Variants in FHIP1A observed in about 807,000 individuals in gnomAD.
FHIP1A encodes the protein FHF complex subunit HOOK-interacting protein 1A.
A neutral mutation model predicts 88.6 loss-of-function variants in FHIP1A; 61 were observed. The ratio of observed to expected loss-of-function variants is 0.69; its 90% CI spans 0.56 to 0.85. FHIP1A has a LOEUF of 0.85. Ranked by LOEUF, FHIP1A falls within the 40% of genes least tolerant of loss-of-function variation. The probability of loss-of-function intolerance (pLI) is 0.00; values close to 1 mark genes in which losing one functional copy is unlikely to be tolerated. For synonymous variants in FHIP1A, 478 were observed against 496.0 expected, an observed-to-expected ratio of 0.96 and a Z score of 0.48; for missense variants, 1,154 against 1,273.5, an observed-to-expected ratio of 0.91 and a Z score of 1.43.
rs74576165 is a variant in FHIP1A, at chr4:151,636,761, G to A, written c.1147-1916G>A. 5.6e-3 allele frequency among the ~76,000 whole-genome samples: 851 copies of A among 152,096 alleles called. 7 individuals carry two copies. The highest frequency in any genetic ancestry group is 0.019 in the African/African-American group (804 of 41,526). On this transcript the variant is annotated intron_variant, in intron 8 of 13. Transcript: ENST00000435205. ...TTAATATAGGAATACTCCACAAATC[G>A]ATCTACAGTTTCAATGCTTTTCTAT... is the stretch of plus-strand genomic sequence containing the variant.
intron 3 of FHIP1A, among the ~76,000 whole-genome samples, chr4:151,494,634 A>G (rs1051993744): frequency 2.0e-5 from 3 of 152,052 alleles, no homozygotes; most frequent in Non-Finnish European, 4.4e-5. Context: ...TTTTGCTTAG[A>G]ATTTCCTTGG....
At position 151,669,478 on chromosome 4, in the gene FHIP1A, C is replaced by T. The variant is rs1373946959; in HGVS notation, c.*6724C>T. 1.3e-5 allele frequency among the ~76,000 whole-genome samples: 2 copies of T among 152,142 alleles called. No homozygotes were observed. The highest frequency in any genetic ancestry group is 2.9e-5 in the Non-Finnish European group (2 of 68,018). On this transcript the variant is annotated 3_prime_UTR_variant, in exon 14 of 14. Coordinates refer to ENST00000435205, the MANE Select transcript of FHIP1A (RefSeq NM_001109977.3). ...GATGCTTTCTGTAAGGTTTAGTCAC[C>T]AAGAAGCCAGAACTTTTGGTGAAAA...
intron 1 of FHIP1A, among the ~76,000 whole-genome samples, chr4:151,451,908 C>T (rs1261838796): frequency 6.6e-6 from 1 of 151,460 alleles, no homozygotes; most frequent in African/African-American, 2.4e-5. Flanking sequence ...ACAGCCTTGA[C>T]CTCCTGGGCC....
At chr4:151,502,308 C>A (rs1730681678) in intron 3 of FHIP1A, among the ~76,000 whole-genome samples, 1 of 145,288 alleles carries the variant, frequency 6.9e-6, no homozygotes, top group Non-Finnish European at 1.5e-5. Flanking sequence ...TAGAACAAGA[C>A]CCCATCTCAA....
intron 3 of FHIP1A, among the ~76,000 whole-genome samples, chr4:151,533,392 G>T (rs1165729181): frequency 6.6e-6 from 1 of 150,620 alleles, no homozygotes; most frequent in East Asian, 1.9e-4. Context: ...TCCAGCCTAG[G>T]AAACAGATCG....
At chr4:151,543,749 T>C (rs1732383985) in intron 3 of FHIP1A, among the ~76,000 whole-genome samples, 1 of 152,242 alleles carries the variant, frequency 6.6e-6, no homozygotes, top group Admixed American at 6.5e-5. Flanking sequence ...TTATAATGAA[T>C]GCAAACAATT....
intron 1 of FHIP1A, among the ~76,000 whole-genome samples, chr4:151,454,014 C>T (rs1234824493): frequency 6.6e-6 from 1 of 152,028 alleles, no homozygotes; most frequent in Admixed American, 6.6e-5. Flanking sequence ...ACCAAATATT[C>T]GTTATTACAG....
At chr4:151,543,431 G>T (rs1732372115) in intron 3 of FHIP1A, among the ~76,000 whole-genome samples, 1 of 152,056 alleles carries the variant, frequency 6.6e-6, no homozygotes, top group Non-Finnish European at 1.5e-5. Context: ...TTTGTATCCT[G>T]CAGTCCTGTA....
chr4:151,425,593 T>TA (rs1733334637), intron 1 of FHIP1A, among the ~76,000 whole-genome samples: 1 of 152,236 alleles, frequency 6.6e-6, no homozygotes, highest in African/African-American at 2.4e-5. Context: ...GATTATATGA[T>TA]ACTGTATTAG....
At chr4:151,558,532 C>CAAACAAAACA (rs142993818) in intron 3 of FHIP1A, among the ~76,000 whole-genome samples, 4,475 of 151,152 alleles carry the variant, frequency 0.03, 89 homozygotes, top group Middle Eastern at 0.071. Flanking sequence ...CATCCTGTCT[C>CAAACAAAACA]AAACAAAACA....
rs116580949 is a variant in FHIP1A at position 151,549,292 on chromosome 4, G to T, written c.-122-16846G>T. Among the ~76,000 whole-genome samples, 789 of 152,218 alleles carry T rather than the reference G, an allele frequency of 5.2e-3. 5 individuals carry two copies. Among genetic ancestry groups the T allele is most frequent in the African/African-American group, 0.018 (767 of 41,522 alleles). On this transcript the variant is annotated intron_variant, in intron 3 of 13. Coordinates refer to ENST00000435205, the MANE Select transcript of FHIP1A (RefSeq NM_001109977.3). Reference sequence around the variant, plus strand: ...TCAAGTGGGCAAAGAGAACCAGGAAGTTTAAAATGGAGAATCAAAGAATAA... The same window carrying T: ...TCAAGTGGGCAAAGAGAACCAGGAATTTTAAAATGGAGAATCAAAGAATAA...
chr4:151,588,412 A>C (rs769128394), intron 6 of FHIP1A, among the ~76,000 whole-genome samples: 91 of 152,288 alleles, frequency 6.0e-4, no homozygotes, highest in Non-Finnish European at 1.2e-3. Flanking sequence ...AGTTATACTC[A>C]GTTTTTAAAA....
At chr4:151,657,248 A>T (rs1737279625) in intron 13 of FHIP1A, among the ~76,000 whole-genome samples, 1 of 152,030 alleles carries the variant, frequency 6.6e-6, no homozygotes, top group Non-Finnish European at 1.5e-5. Flanking sequence ...TCTCCGAGCC[A>T]TTTTTTTGGG....
chr4:151,577,255 ATCT>A (rs1733827772), intron 4 of FHIP1A, among the ~76,000 whole-genome samples, 192 bp from the exon 5 acceptor site: 2 of 152,308 alleles, frequency 1.3e-5, no homozygotes, highest in South Asian at 4.1e-4. Context: ...ATCTTCAGAC[ATCT>A]TCTTTCTATA....
rs1377711496 is a variant in FHIP1A at position 151,662,655 on chromosome 4, C to T, written c.3024C>T (p.Ala1008=). The T allele has an allele frequency of 6.4e-7, 1 of 1,551,676 alleles. No individual in the cohort carries two copies. Residue 1008 remains alanine (A), a synonymous_variant, in exon 14 of 14, where the codon GCC becomes GCT. Coordinates refer to ENST00000435205, the MANE Select transcript of FHIP1A (RefSeq NM_001109977.3). The part of the protein sequence containing the change: ...LPVRNPMLAA[A]LFPEFLKELA... Reference sequence around the variant, plus strand: ...TGAGGAACCCCATGCTGGCTGCTGCCCTCTTCCCAGAGTTCCTGAAGGAGC... The same window carrying T: ...TGAGGAACCCCATGCTGGCTGCTGCTCTCTTCCCAGAGTTCCTGAAGGAGC...
At chr4:151,577,332 A>T in intron 4 of FHIP1A, 118 bp from the exon 5 acceptor site, 1 of 853,528 alleles carries the variant, frequency 1.2e-6, no homozygotes, top group Non-Finnish European at 1.8e-6. Context: ...ATGCCCACAC[A>T]TATCTTGTGG....
At chr4:151,605,267 T>C (rs1735028708) in intron 7 of FHIP1A, among the ~76,000 whole-genome samples, 1 of 152,222 alleles carries the variant, frequency 6.6e-6, no homozygotes, top group African/African-American at 2.4e-5. Flanking sequence ...GTTTTGCTCC[T>C]TTTTAAAAAG....
chr4:151,662,611 C>G lies in FHIP1A; in HGVS notation c.2980C>G (p.Pro994Ala). 1.3e-6 allele frequency: 2 copies of G among 1,551,660 alleles called. No individual in the cohort carries two copies. Among genetic ancestry groups the G allele is most frequent in the Non-Finnish European group, 1.7e-6 (2 of 1,146,994 alleles). ...THRTKVAEAP[P>A]NLPLPVRNPM... ...CAGAACCAAGGTGGCTGAGGCACCC[C>G]CCAACCTGCCCCTGCCGGTGAGGAA... Residue 994 changes from proline (P) to alanine (A), a missense_variant, in exon 14 of 14, where the codon CCC becomes GCC. Coordinates refer to ENST00000435205, the MANE Select transcript of FHIP1A (RefSeq NM_001109977.3).
At chr4:151,481,369 A>G (rs1037743680) in intron 2 of FHIP1A, among the ~76,000 whole-genome samples, 3 of 152,070 alleles carry the variant, frequency 2.0e-5, no homozygotes, top group South Asian at 2.1e-4. Context: ...ATATTTATAT[A>G]TACATATTAT....
Sources: gnomAD v4.1 joint callset for allele counts (sites outside exome capture counted in the v4.1 genomes callset) on GRCh38, gnomAD v4.1.1 for gene constraint, MANE v1.5 for transcripts, NCBI Gene and HGNC (gene_info 2026-07-23, HGNC 2026-07-21) for gene names.